SNTB1: variants seen among roughly 807,000 people sequenced by gnomAD.
The protein encoded by SNTB1 is beta-1-syntrophin.
A neutral mutation model predicts 48.9 loss-of-function variants in SNTB1; 36 were observed. That is an observed-to-expected ratio of 0.74 (90% CI 0.56 to 0.97). SNTB1 has a LOEUF of 0.97. SNTB1 is among the 50% of genes least tolerant of loss of function. SNTB1 has a pLI of 0.00. For missense variants in SNTB1, 786 were observed against 703.4 expected (o/e 1.12, Z -1.33); for synonymous variants, 299 against 294.6 (o/e 1.01, Z -0.15).
chr8:120,784,665 T>G (rs1229417184), intron 1 of SNTB1, among the ~76,000 whole-genome samples: 1 of 152,222 alleles, frequency 6.6e-6, no homozygotes, highest in Admixed American at 6.5e-5. Context: ...AAAATGGCAA[T>G]GATAGCTTTT....
At chr8:120,793,933 G>A (rs28608098) in intron 1 of SNTB1, among the ~76,000 whole-genome samples, 21,733 of 151,894 alleles carry the variant, frequency 0.14, 2,621 homozygotes, top group African/African-American at 0.33. Flanking sequence ...TTTCTCAATG[G>A]TAAAATATGT....
At chr8:120,752,841 G>T (rs1409062075) in intron 1 of SNTB1, among the ~76,000 whole-genome samples, 1 of 151,976 alleles carries the variant, frequency 6.6e-6, no homozygotes, top group South Asian at 2.1e-4. Flanking sequence ...GGTGGGAGGA[G>T]GGTGAGGATT....
At chr8:120,641,040 A>AT (rs896688510) in intron 2 of SNTB1, among the ~76,000 whole-genome samples, 4 of 151,044 alleles carry the variant, frequency 2.6e-5, no homozygotes, top group South Asian at 2.1e-4. Context: ...AATAGCCAGC[A>AT]TTTTTTTTTC....
At chr8:120,561,319 C>CAAAAAAAAAAAA (rs1221884195) in intron 4 of SNTB1, among the ~76,000 whole-genome samples, 1 of 45,662 alleles carries the variant, frequency 2.2e-5, no homozygotes, top group Non-Finnish European at 4.1e-5. Flanking sequence ...AACTCCATCT[C>CAAAAAAAAAAAA]AAAAAAAAAA....
chr8:120,743,491 C>A (rs933994191), intron 1 of SNTB1, among the ~76,000 whole-genome samples: 3 of 152,128 alleles, frequency 2.0e-5, no homozygotes, highest in Non-Finnish European at 4.4e-5. Flanking sequence ...CATAAGGGGT[C>A]ATGCAAAGAC....
At chr8:120,738,436 G>A (rs184803547) in intron 1 of SNTB1, among the ~76,000 whole-genome samples, 186 of 152,188 alleles carry the variant, frequency 1.2e-3, no homozygotes, top group African/African-American at 4.2e-3. Flanking sequence ...AAGACCTTAC[G>A]GGACAGATAG....
rs536129753 is a variant in SNTB1, at chr8:120,624,612, A to C, written c.996+7832T>G. 2.0e-5 allele frequency among the ~76,000 whole-genome samples: 3 copies of C among 152,282 alleles called. No homozygotes were observed. The South Asian group carries it at 6.2e-4, about 32-fold the overall frequency. ...ACCACAGCATTCCACGCCTTCCCCC[A>C]AAAATTCATGTCCTCCTCACATGCA... On this transcript the variant is annotated intron_variant, in intron 3 of 6. Transcript: ENST00000517992.
intron 1 of SNTB1, among the ~76,000 whole-genome samples, chr8:120,702,801 A>G (rs970853420): frequency 1.3e-5 from 2 of 152,200 alleles, no homozygotes; most frequent in Non-Finnish European, 2.9e-5. Context: ...GCCAGACTAT[A>G]CAGTTCACAT....
At chr8:120,757,548 C>T (rs1213115284) in intron 1 of SNTB1, among the ~76,000 whole-genome samples, 2 of 152,256 alleles carry the variant, frequency 1.3e-5, no homozygotes, top group African/African-American at 4.8e-5. Flanking sequence ...TGATTCATTT[C>T]GTGTTTCAGG....
intron 1 of SNTB1, among the ~76,000 whole-genome samples, chr8:120,752,508 A>G (rs1341237515): frequency 6.6e-6 from 1 of 152,156 alleles, no homozygotes; most frequent in Non-Finnish European, 1.5e-5. Context: ...TCATTGTAGC[A>G]CCATTCACAG....
intron 1 of SNTB1, among the ~76,000 whole-genome samples, chr8:120,755,597 C>T (rs935399021): frequency 6.6e-6 from 1 of 152,064 alleles, no homozygotes; most frequent in Admixed American, 6.6e-5. Flanking sequence ...CGAGGAACTT[C>T]CCATCTTAAA....
At chr8:120,554,330 T>C (rs1815529684) in intron 4 of SNTB1, among the ~76,000 whole-genome samples, 1 of 152,174 alleles carries the variant, frequency 6.6e-6, no homozygotes, top group African/African-American at 2.4e-5. Context: ...CTGGCCACCC[T>C]TGACTCTGAA....
intron 1 of SNTB1, among the ~76,000 whole-genome samples, chr8:120,798,399 CTT>C (rs1236623988): frequency 2.0e-5 from 3 of 152,020 alleles, no homozygotes; most frequent in Admixed American, 2.0e-4. Context: ...TCTGAAGACA[CTT>C]TGGTTTAATA....
intron 1 of SNTB1, among the ~76,000 whole-genome samples, chr8:120,707,664 G>C (rs997531559): frequency 6.6e-6 from 1 of 152,008 alleles, no homozygotes; most frequent in Non-Finnish European, 1.5e-5. Flanking sequence ...ACAATAAAAA[G>C]GTAGGCAAAT....
At chr8:120,575,846 T>C (rs7010052) in intron 3 of SNTB1, among the ~76,000 whole-genome samples, 31,041 of 152,080 alleles carry the variant, frequency 0.2, 3,276 homozygotes, top group Middle Eastern at 0.3. Context: ...AGGATTGTGA[T>C]AGTCATCAGT....
At chr8:120,666,001 T>C in intron 2 of SNTB1, among the ~76,000 whole-genome samples, 1 of 152,158 alleles carries the variant, frequency 6.6e-6, no homozygotes, top group Middle Eastern at 3.2e-3. Context: ...GTGGCGTTTG[T>C]CCTCTAGTAT....
chr8:120,539,456 C>A (rs1331581889), intron 6 of SNTB1, among the ~76,000 whole-genome samples: 3 of 152,180 alleles, frequency 2.0e-5, no homozygotes, highest in Non-Finnish European at 4.4e-5. Flanking sequence ...ATATGTAAAA[C>A]CTCCTCGTAA....
intron 1 of SNTB1, among the ~76,000 whole-genome samples, chr8:120,778,108 T>C (rs927065931): frequency 6.6e-6 from 1 of 152,194 alleles, no homozygotes; most frequent in African/African-American, 2.4e-5. Flanking sequence ...ACTGCAATAA[T>C]TGTATTTATT....
chr8:120,674,855 TA>T (rs1291182818), intron 2 of SNTB1, among the ~76,000 whole-genome samples: 1 of 151,988 alleles, frequency 6.6e-6, no homozygotes, highest in African/African-American at 2.4e-5. Context: ...CGGCCTTGTC[TA>T]AAAAAAATCC....
Sources: allele counts gnomAD v4.1 joint callset (sites outside exome capture counted in the v4.1 genomes callset), GRCh38; gene constraint gnomAD v4.1.1; transcripts MANE v1.5; gene names NCBI Gene and HGNC (gene_info 2026-07-23, HGNC 2026-07-21).